The following VAC14 variants were observed in gnomAD, a reference collection of about 807,000 sequenced individuals.
VAC14 encodes VAC14 component of PIKFYVE complex.
A neutral mutation model predicts 85.3 loss-of-function variants in VAC14; 47 were observed. The observed-to-expected ratio is 0.55, with a 90% CI of 0.44 to 0.70. The LOEUF (loss-of-function observed/expected upper bound fraction) is 0.70. VAC14 is among the 30% of genes least tolerant of loss of function. The pLI, the probability that VAC14 is intolerant of heterozygous loss-of-function variation, is 0.00. For synonymous variants in VAC14, 447 were observed against 430.5 expected (o/e 1.04, Z -0.47); for missense variants, 861 against 1,004.3 (o/e 0.86, Z 1.93).
chr16:70,689,439 A>C, intron 18 of VAC14: 1 of 984,920 alleles, frequency 1.0e-6, no homozygotes, highest in Non-Finnish European at 1.2e-6. Flanking sequence ...GTCCAGCAGG[A>C]AGAGTCAACG....
intron 18 of VAC14, chr16:70,691,720 G>C (rs1298633230): frequency 1.0e-6 from 1 of 985,334 alleles, no homozygotes; most frequent in East Asian, 1.1e-4. Context: ...ACTTTCTAGG[G>C]GTTCAGCCTC....
Position 70,785,690 on chromosome 16 carries a change from G to A in VAC14, c.423+12C>T. 1.9e-6 allele frequency: 3 copies of A among 1,548,522 alleles called. No individual in the cohort carries two copies. Among genetic ancestry groups the A allele is most frequent in the Non-Finnish European group, 2.6e-6 (3 of 1,144,798 alleles). ...AGCGCAGCTCAGTGAGGAGGAGGAG[G>A]AGGGCGGTTACCTTGCTCAGCCCGT... On this transcript the variant is annotated intron_variant, in intron 3 of 18. Coordinates refer to ENST00000261776, the MANE Select transcript of VAC14 (RefSeq NM_018052.5).
intron 14 of VAC14, chr16:70,715,345 C>T (rs2054141867): frequency 6.6e-6 from 1 of 152,362 alleles, no homozygotes; most frequent in African/African-American, 2.4e-5. Context: ...AGGATCACCA[C>T]TGTGCGATGC....
intron 12 of VAC14, among the ~76,000 whole-genome samples, chr16:70,751,297 T>C (rs889665916): frequency 6.6e-6 from 1 of 152,184 alleles, no homozygotes; most frequent in African/African-American, 2.4e-5. Context: ...TGCAAGAATG[T>C]TTCCAACGGA....
intron 14 of VAC14, among the ~76,000 whole-genome samples, chr16:70,710,119 G>A (rs1031481908): frequency 6.6e-6 from 1 of 152,244 alleles, no homozygotes; most frequent in Non-Finnish European, 1.5e-5. Context: ...GCATGGGACA[G>A]GAAGGAACTG....
At chr16:70,713,032 A>C (rs940852614) in intron 14 of VAC14, among the ~76,000 whole-genome samples, 3 of 152,170 alleles carry the variant, frequency 2.0e-5, no homozygotes, top group Non-Finnish European at 4.4e-5. Flanking sequence ...ACAGCCAGGA[A>C]AAGGTATTTT....
intron 16 of VAC14, among the ~76,000 whole-genome samples, chr16:70,696,032 T>C (rs2053699833): frequency 6.6e-6 from 1 of 152,182 alleles, no homozygotes; most frequent in African/African-American, 2.4e-5. Context: ...ATCCAGGTTG[T>C]AGAAGGGAAG....
Position 70,762,648 on chromosome 16 carries a change from G to C in VAC14, c.1306-43C>G. 6.3e-7 allele frequency: 1 copy of C among 1,599,378 alleles called. No individual in the cohort carries two copies. ...AGGGGTGCCCGTGAGTGCTCCCTTCGCCCCGGGACTACGTGCAGTGCAGTG... is the reference window on the plus strand; with the variant it reads ...AGGGGTGCCCGTGAGTGCTCCCTTCCCCCCGGGACTACGTGCAGTGCAGTG... On this transcript the variant is annotated intron_variant, in intron 11 of 18. Transcript: ENST00000261776. The surrounding 1 kb of genome is among the most constrained non-coding windows in gnomAD (Gnocchi z 4.1).
chr16:70,769,698 G>T (rs1233394588), intron 10 of VAC14: 1 of 152,202 alleles, frequency 6.6e-6, no homozygotes, highest in Admixed American at 6.5e-5. Context: ...TCCTGGCCTT[G>T]GCACAAGAAC....
At position 70,799,308 on chromosome 16, in the gene VAC14, C is replaced by T. The variant is rs963081402; in HGVS notation, c.104+1489G>A. ...ATGTGCAATAAGACTTGCTAGCATT[C>T]GTGAGAGTCAGGCATAAACAAAAAG... On this transcript the variant is annotated intron_variant, in intron 1 of 18. Transcript: ENST00000261776. Among the ~76,000 whole-genome samples the T allele has an allele frequency of 9.9e-5, 15 of 152,074 alleles. 1 individual carries two copies. In the South Asian group the frequency reaches 3.1e-3, roughly 32 times the overall value.
At chr16:70,703,033 G>C (rs1246755182) in intron 14 of VAC14, among the ~76,000 whole-genome samples, 1 of 152,242 alleles carries the variant, frequency 6.6e-6, no homozygotes, top group Non-Finnish European at 1.5e-5. Context: ...TCCAGAACCT[G>C]AGTTCTTCCT....
At chr16:70,748,839 G>A (rs530836979) in intron 12 of VAC14, among the ~76,000 whole-genome samples, 27 of 151,020 alleles carry the variant, frequency 1.8e-4, no homozygotes, top group Non-Finnish European at 3.0e-4. Context: ...CTAGCTACTC[G>A]GGAGGCTGAG....
At chr16:70,701,574 C>G (rs2053829334) in intron 14 of VAC14, among the ~76,000 whole-genome samples, 1 of 152,156 alleles carries the variant, frequency 6.6e-6, no homozygotes, top group African/African-American at 2.4e-5. Context: ...CATCTCCTGC[C>G]TGGTCCATCT....
At chr16:70,756,396 C>T (rs1394696239) in intron 12 of VAC14, among the ~76,000 whole-genome samples, 4 of 152,184 alleles carry the variant, frequency 2.6e-5, no homozygotes, top group Admixed American at 1.3e-4. Flanking sequence ...TGAGTTTTTC[C>T]GATCCATTTC....
At chr16:70,750,453 G>T (rs2031288958) in intron 12 of VAC14, among the ~76,000 whole-genome samples, 1 of 152,174 alleles carries the variant, frequency 6.6e-6, no homozygotes, top group South Asian at 2.1e-4. Context: ...ACAGGCGGGG[G>T]TGGGGAAGGC....
At chr16:70,689,397 TC>T in intron 18 of VAC14, 2 of 984,938 alleles carry the variant, frequency 2.0e-6, no homozygotes, top group Non-Finnish European at 2.4e-6. Context: ...AAAAAGGAGC[TC>T]CCCCAAAACG....
intron 1 of VAC14, among the ~76,000 whole-genome samples, chr16:70,798,222 A>T (rs1408255784): frequency 7.1e-6 from 1 of 140,364 alleles, no homozygotes; most frequent in Admixed American, 6.7e-5. Context: ...CTCAGGAAAT[A>T]GGGTATCTTA....
intron 1 of VAC14, among the ~76,000 whole-genome samples, chr16:70,794,955 A>G (rs549616125): frequency 4.6e-5 from 7 of 152,346 alleles, no homozygotes; most frequent in Admixed American, 3.3e-4. Flanking sequence ...TATTTTTACT[A>G]TACTATTTCT....
chr16:70,691,817 C>T (rs1204786885), intron 18 of VAC14: 6 of 985,250 alleles, frequency 6.1e-6, no homozygotes, highest in East Asian at 1.1e-4. Context: ...CAGTGGGAGC[C>T]GATGCCAGCG....
Sources: allele counts gnomAD v4.1 joint callset (sites outside exome capture counted in the v4.1 genomes callset), GRCh38; gene constraint gnomAD v4.1.1; non-coding constraint Gnocchi (gnomAD v3.1); transcripts MANE v1.5; gene names NCBI Gene and HGNC (gene_info 2026-07-23, HGNC 2026-07-21).